MIB1: variants seen among roughly 807,000 people sequenced by gnomAD.
MIB1 encodes MIB E3 ubiquitin protein ligase 1.
In MIB1, 278 loss-of-function variants were observed where a neutral mutation model predicts 124.5. That is an observed-to-expected ratio of 2.23 (90% CI 2.02 to 2.47). The LOEUF is 2.47. MIB1 is among the 30% of genes most tolerant of loss of function. The pLI is 0.00. For synonymous variants in MIB1, 446 were observed against 429.4 expected (o/e 1.04, Z -0.48); for missense variants, 957 against 1,254.4 (o/e 0.76, Z 3.58).
chr18:21,747,974 A>C (rs1378641041), intron 1 of MIB1, among the ~76,000 whole-genome samples: 2 of 152,244 alleles, frequency 1.3e-5, no homozygotes, highest in African/African-American at 4.8e-5. Context: ...TCTCTGGATG[A>C]GTATTTTCTG....
At chr18:21,779,401 C>G (rs2041331183) in intron 5 of MIB1, 80 bp from the exon 6 acceptor site, 6 of 1,100,140 alleles carry the variant, frequency 5.5e-6, no homozygotes, top group Non-Finnish European at 8.3e-6. Context: ...AAAATATCTA[C>G]ATGTTATTTA....
intron 1 of MIB1, among the ~76,000 whole-genome samples, chr18:21,757,370 T>C (rs1172062450): frequency 1.6e-5 from 2 of 127,822 alleles, no homozygotes; most frequent in Non-Finnish European, 3.1e-5. Flanking sequence ...GAGAATCTCT[T>C]GAACCTGGGA....
chr18:21,864,608 G>A lies in MIB1; in HGVS notation c.2963G>A (p.Arg988His), dbSNP rs775477290. The A allele has an allele frequency of 8.7e-6, 14 of 1,613,090 alleles. No homozygotes were observed. The highest frequency in any genetic ancestry group is 1.2e-5 in the Non-Finnish European group (14 of 1,179,094). Residue 988 changes from arginine (R) to histidine (H), a missense_variant, in exon 21 of 21, where the codon CGC (arginine) becomes CAC (histidine). Transcript: ENST00000261537. ...GHGTCQLCGD[R>H]MSECPICRKA... ...GGAACCTGTCAACTCTGTGGAGACC[G>A]CATGAGTGAATGTCCTATCTGTCGC...
intron 18 of MIB1, among the ~76,000 whole-genome samples, chr18:21,854,394 A>C (rs974949249): frequency 6.6e-6 from 1 of 152,218 alleles, no homozygotes; most frequent in Non-Finnish European, 1.5e-5. Flanking sequence ...GACTGTGTTC[A>C]ATAAAACTGG....
intron 6 of MIB1, 54 bp from the exon 7 acceptor site, chr18:21,791,320 T>C: frequency 6.9e-7 from 1 of 1,440,006 alleles, no homozygotes; most frequent in Non-Finnish European, 9.4e-7. Context: ...TTAAGAATTT[T>C]GTATTAAAAT....
chr18:21,840,652 TATATATATATATA>T (rs1280389315), intron 13 of MIB1, among the ~76,000 whole-genome samples: 109 of 2,390 alleles, frequency 0.046, 1 homozygote, highest in Admixed American at 0.067. Flanking sequence ...TATATATATA[TATATATATATATA>T]TTTTTTTTTT....
At chr18:21,738,699 C>T (rs1474336811), upstream of MIB1, among the ~76,000 whole-genome samples, 6 of 150,618 alleles carry the variant, frequency 4.0e-5, no homozygotes, top group East Asian at 3.9e-4. Flanking sequence ...CCCAGGTACT[C>T]GGGAGGCTGA....
chr18:21,751,767 G>C (rs1373531070), intron 1 of MIB1, among the ~76,000 whole-genome samples: 3 of 150,838 alleles, frequency 2.0e-5, no homozygotes, highest in Non-Finnish European at 4.4e-5. Context: ...GCTTTATTTT[G>C]CCACACTGTC....
intron 16 of MIB1, among the ~76,000 whole-genome samples, chr18:21,848,243 G>A (rs2042151371): frequency 6.6e-6 from 1 of 152,122 alleles, no homozygotes. Flanking sequence ...GTGGATTGAG[G>A]TCAGGAGTTC....
intron 12 of MIB1, chr18:21,826,744 C>G (rs193030797): frequency 3.9e-5 from 6 of 152,132 alleles, no homozygotes; most frequent in African/African-American, 1.2e-4. Context: ...TAAGTGCTCT[C>G]AGAGAAATAT....
At chr18:21,800,247 A>AT (rs200959163) in intron 9 of MIB1, among the ~76,000 whole-genome samples, 64 of 149,930 alleles carry the variant, frequency 4.3e-4, no homozygotes, top group South Asian at 1.1e-3. Context: ...AAATTCAGCG[A>AT]TTTTTTTTTT....
intron 2 of MIB1, among the ~76,000 whole-genome samples, chr18:21,766,301 AT>A (rs1187915213): frequency 6.6e-6 from 1 of 152,184 alleles, no homozygotes; most frequent in South Asian, 2.1e-4. Context: ...GGGCTCATTG[AT>A]TGAGTCAGTA....
chr18:21,844,161 C>T lies in MIB1; in HGVS notation c.2119C>T (p.Leu707=). Reference sequence around the variant, plus strand: ...TGGGGATACTCCTTTGCATGAAGCTCTAAGGCATCACACTTTGTCTCAGCT... The same window carrying T: ...TGGGGATACTCCTTTGCATGAAGCTTTAAGGCATCACACTTTGTCTCAGCT... ...KDGDTPLHEA[L]RHHTLSQLRQ... The change falls in exon 15 of 21, where the codon CTA becomes TTA. Residue 707 remains leucine, a synonymous_variant. Coordinates refer to ENST00000261537, the MANE Select transcript of MIB1 (RefSeq NM_020774.4). The T allele has an allele frequency of 6.2e-7, 1 of 1,614,092 alleles. No individual in the cohort carries two copies. The highest frequency in any genetic ancestry group is 8.5e-7 in the Non-Finnish European group (1 of 1,180,016).
intron 6 of MIB1, among the ~76,000 whole-genome samples, chr18:21,779,930 A>G (rs2041339609): frequency 1.3e-5 from 2 of 151,682 alleles, no homozygotes; most frequent in African/African-American, 4.8e-5. Context: ...GATGTTTATG[A>G]TACAGTGTTC....
At chr18:21,744,338 T>C in intron 1 of MIB1, among the ~76,000 whole-genome samples, 1 of 152,200 alleles carries the variant, frequency 6.6e-6, no homozygotes, top group Non-Finnish European at 1.5e-5. Flanking sequence ...ACAATTGTAG[T>C]CTTCCAGAAA....
intron 1 of MIB1, among the ~76,000 whole-genome samples, chr18:21,759,091 C>T (rs544369955): frequency 1.2e-4 from 19 of 152,078 alleles, no homozygotes; most frequent in Non-Finnish European, 2.2e-4. Context: ...TTCCCCTCCT[C>T]GCCTAAGGTA....
At chr18:21,785,588 G>A (rs181369969) in intron 6 of MIB1, among the ~76,000 whole-genome samples, 34 of 152,198 alleles carry the variant, frequency 2.2e-4, no homozygotes, top group Admixed American at 1.6e-3. Context: ...ACTGTTTGCC[G>A]TAGTTATTTT....
At chr18:21,707,694 C>T (rs1209000860) in intron 1 of MIB1, among the ~76,000 whole-genome samples, 1 of 152,112 alleles carries the variant, frequency 6.6e-6, no homozygotes, top group Non-Finnish European at 1.5e-5. Context: ...TGCGATGGTC[C>T]GCGGCTTCAT....
intron 12 of MIB1, among the ~76,000 whole-genome samples, chr18:21,835,801 C>CACACACACACACACACA (rs1555695315): frequency 9.8e-6 from 1 of 101,586 alleles, no homozygotes; most frequent in Non-Finnish European, 1.8e-5. Flanking sequence ...ATATATATAT[C>CACACACACACACACACA]CACACACACA....
Sources: gnomAD v4.1 joint callset for allele counts (sites outside exome capture counted in the v4.1 genomes callset) on GRCh38, gnomAD v4.1.1 for gene constraint, MANE v1.5 for transcripts, NCBI Gene and HGNC (gene_info 2026-07-23, HGNC 2026-07-21) for gene names.